NCAM2: variants seen among roughly 807,000 people sequenced by gnomAD.
The protein encoded by NCAM2 is neural cell adhesion molecule 2, also known as N-CAM-2.
Under a neutral mutation model 98.1 loss-of-function variants are expected in NCAM2, and 30 were observed. That is an observed-to-expected ratio of 0.31 (90% CI 0.23 to 0.41). The LOEUF (loss-of-function observed/expected upper bound fraction) is 0.41, where lower values mean the gene tolerates loss of function less well. Among genes scored for constraint, NCAM2 ranks in the 10% least tolerant of loss-of-function variants. NCAM2 has a pLI of 1.00. For missense variants in NCAM2, 867 were observed against 1,005.8 expected (o/e 0.86, Z 1.87); for synonymous variants, 368 against 342.4 (o/e 1.07, Z -0.83).
At chr21:21,093,090 A>G (rs2066046923) in intron 1 of NCAM2, among the ~76,000 whole-genome samples, 1 of 152,076 alleles carries the variant, frequency 6.6e-6, no homozygotes, top group Admixed American at 6.6e-5. Context: ...ACAATTTGTT[A>G]TGTCCCGGTA....
At chr21:21,029,844 A>T (rs1040689782) in intron 1 of NCAM2, among the ~76,000 whole-genome samples, 2 of 151,826 alleles carry the variant, frequency 1.3e-5, no homozygotes, top group African/African-American at 4.8e-5. Flanking sequence ...GTTGGCCAGG[A>T]TGGTCTCAAT....
At chr21:21,387,231 G>A (rs1403054357) in intron 9 of NCAM2, among the ~76,000 whole-genome samples, 1 of 138,306 alleles carries the variant, frequency 7.2e-6, no homozygotes, top group East Asian at 2.0e-4. Flanking sequence ...CACAAATCTG[G>A]TGTCCCTTTC....
intron 9 of NCAM2, among the ~76,000 whole-genome samples, chr21:21,386,619 G>A (rs924124295): frequency 2.0e-5 from 3 of 152,118 alleles, no homozygotes; most frequent in African/African-American, 7.2e-5. Context: ...CTTTATGTGA[G>A]CCCCCTGGGA....
intron 1 of NCAM2, among the ~76,000 whole-genome samples, chr21:21,241,701 G>A (rs1399302228): frequency 7.2e-6 from 1 of 138,204 alleles, no homozygotes; most frequent in Non-Finnish European, 1.5e-5. Context: ...CAGAAACCAA[G>A]GCTCTGTTTT....
intron 4 of NCAM2, among the ~76,000 whole-genome samples, chr21:21,287,084 A>G (rs1444289355): frequency 6.6e-6 from 1 of 152,018 alleles, no homozygotes; most frequent in Admixed American, 6.6e-5. Context: ...TCAGAATAAT[A>G]TGACATCTGA....
At position 21,028,920 on chromosome 21, in the gene NCAM2, C is replaced by G. The variant is rs150246704; in HGVS notation, c.55+30302C>G. Among the ~76,000 whole-genome samples the G allele has an allele frequency of 5.0e-3, 755 of 152,098 alleles. 2 individuals carry two copies. The highest frequency in any genetic ancestry group is 0.018 in the African/African-American group (733 of 41,490). ...AAGCTATCATCATAGGTATGTAATCCTTTTTTCATAAGTCTGAGTATATAA... is the reference window on the plus strand; with the variant it reads ...AAGCTATCATCATAGGTATGTAATCGTTTTTTCATAAGTCTGAGTATATAA... On this transcript the variant is annotated intron_variant, in intron 1 of 17. Coordinates refer to ENST00000400546, the MANE Select transcript of NCAM2 (RefSeq NM_004540.5).
At chr21:21,198,327 T>A (rs988949591) in intron 1 of NCAM2, among the ~76,000 whole-genome samples, 13 of 152,098 alleles carry the variant, frequency 8.5e-5, no homozygotes, top group South Asian at 6.2e-4. Context: ...TAAGTTTCTT[T>A]TTTCCATTTA....
At chr21:21,009,170 A>G (rs547237283) in intron 1 of NCAM2, among the ~76,000 whole-genome samples, 1 of 152,276 alleles carries the variant, frequency 6.6e-6, no homozygotes, top group African/African-American at 2.4e-5. Flanking sequence ...GCATATTTAA[A>G]TATTACCCGG....
chr21:21,437,802 G>C (rs984313749), intron 12 of NCAM2, among the ~76,000 whole-genome samples: 1 of 152,036 alleles, frequency 6.6e-6, no homozygotes, highest in South Asian at 2.1e-4. Flanking sequence ...GATTTGAAAA[G>C]ATTTTCGAAA....
chr21:21,524,092 A>G (rs182890138), intron 16 of NCAM2, among the ~76,000 whole-genome samples: 1 of 152,110 alleles, frequency 6.6e-6, no homozygotes, highest in Non-Finnish European at 1.5e-5. Context: ...TTAAAGATAA[A>G]TAGATAGAAA....
intron 16 of NCAM2, among the ~76,000 whole-genome samples, chr21:21,527,213 G>C (rs1396266289): frequency 9.2e-5 from 14 of 151,642 alleles, no homozygotes; most frequent in Non-Finnish European, 2.1e-4. Context: ...CCAGGTTCAA[G>C]TGATTCTCCT....
rs141913973 is a variant in NCAM2 at position 21,541,107 on chromosome 21, T to A, written c.*3150T>A. The A allele has an allele frequency of 1.3e-5, 2 of 150,504 alleles. No individual in the cohort carries two copies. The highest frequency in any genetic ancestry group is 4.8e-5 in the African/African-American group (2 of 41,350). 9.3% of individuals were successfully genotyped at this position (150,504 alleles called of 1,614,324 possible). On this transcript the variant is annotated 3_prime_UTR_variant, in exon 18 of 18. Coordinates refer to ENST00000400546, the MANE Select transcript of NCAM2 (RefSeq NM_004540.5). ...TCTTTGAATTAAATATTTATATAAA[T>A]AGATTTTATTAATCAAATTATTTAT...
rs1178878212 is a variant in NCAM2 at position 21,328,954 on chromosome 21, A to ATT, written c.737+4471_737+4472dup. On this transcript the variant is annotated intron_variant, in intron 6 of 17. Transcript: ENST00000400546. ...TATGCCCTATATATGTATAGCATTA[A>ATT]TTTTTTTTTTTTTTTTTTGAGATGG... Among the ~76,000 whole-genome samples the ATT allele has an allele frequency of 1.9e-4, 26 of 138,452 alleles. No homozygotes were observed. The South Asian group carries it at 2.6e-3, about 14-fold the overall frequency. The allele number at this position is 138,452 out of a possible 152,430, so 90.8% of individuals were successfully genotyped here.
chr21:21,301,384 A>ATTT (rs531998939), intron 5 of NCAM2, among the ~76,000 whole-genome samples: 1 of 146,192 alleles, frequency 6.8e-6, no homozygotes, highest in African/African-American at 2.5e-5. Context: ...TTTTTTTTCT[A>ATTT]TTTTTTTTTT....
chr21:21,313,949 T>C (rs1038490230), intron 5 of NCAM2, among the ~76,000 whole-genome samples: 1 of 152,078 alleles, frequency 6.6e-6, no homozygotes, highest in Admixed American at 6.6e-5. Flanking sequence ...TATAGCATCA[T>C]ATAGGTCCCT....
At chr21:21,154,273 A>G (rs930236450) in intron 1 of NCAM2, among the ~76,000 whole-genome samples, 16 of 151,930 alleles carry the variant, frequency 1.1e-4, no homozygotes, top group African/African-American at 3.9e-4. Context: ...TGGAATAAAA[A>G]GTTTTATGAG....
rs576986736 is a variant in NCAM2, at chr21:21,346,663, T to A, written c.1044+8129T>A. ...AGCAAATGTTAAAATATTTAAAAAA[T>A]TAATATCAAGCATCCTCTCTGACCA... On this transcript the variant is annotated intron_variant, in intron 8 of 17. Coordinates refer to ENST00000400546, the MANE Select transcript of NCAM2 (RefSeq NM_004540.5). 9.3e-4 allele frequency among the ~76,000 whole-genome samples: 141 copies of A among 152,018 alleles called. 3 individuals carry two copies. Among genetic ancestry groups the A allele is most frequent in the Non-Finnish European group, 3.2e-4 (22 of 67,842 alleles).
chr21:21,052,008 A>T (rs992104731), intron 1 of NCAM2, among the ~76,000 whole-genome samples: 1 of 151,926 alleles, frequency 6.6e-6, no homozygotes, highest in African/African-American at 2.4e-5. Context: ...TATATGCAGG[A>T]TTTTTTTTAA....
chr21:21,093,102 A>T lies in NCAM2; in HGVS notation c.55+94484A>T, dbSNP rs575763275. ...AAGACAATTTGTTATGTCCCGGTAAATTATTTAATAAGAATAATAAATTGG... is the reference window on the plus strand; with the variant it reads ...AAGACAATTTGTTATGTCCCGGTAATTTATTTAATAAGAATAATAAATTGG... On this transcript the variant is annotated intron_variant, in intron 1 of 17. Transcript: ENST00000400546. Among the ~76,000 whole-genome samples the T allele has an allele frequency of 1.4e-3, 218 of 152,208 alleles. 1 individual carries two copies. The highest frequency in any genetic ancestry group is 5.2e-3 in the African/African-American group (215 of 41,552).
Sources: gnomAD v4.1 joint callset for allele counts (sites outside exome capture counted in the v4.1 genomes callset) on GRCh38, gnomAD v4.1.1 for gene constraint, MANE v1.5 for transcripts, NCBI Gene and HGNC (gene_info 2026-07-23, HGNC 2026-07-21) for gene names.